TFE3: variants seen among roughly 807,000 people sequenced by gnomAD.
TFE3 encodes the protein transcription factor E3.
Under a neutral mutation model 35.0 loss-of-function variants are expected in TFE3, and 5 were observed. The ratio of observed to expected loss-of-function variants is 0.14; its 90% CI spans 0.07 to 0.30. TFE3 has a LOEUF of 0.30. TFE3 is among the 10% of genes least tolerant of loss of function. TFE3 has a pLI of 1.00. For missense variants in TFE3, 374 were observed against 496.6 expected (o/e 0.75, Z 2.35); for synonymous variants, 211 against 215.6 (o/e 0.98, Z 0.18).
At position 49,028,751 on chromosome X, in the gene TFE3, A is replaced by G. The variant is rs1488771227; in HGVS notation, c.*1407T>C. 1.9e-5 allele frequency: 3 copies of G among 162,090 alleles called. No individual in the cohort carries two copies. The highest frequency in any genetic ancestry group is 9.0e-5 in the African/African-American group (3 of 33,278). 13.4% of individuals were successfully genotyped at this position (162,090 alleles called of 1,213,427 possible). A position where few individuals can be genotyped will look rare whatever the true frequency, so the allele number is the denominator to read the frequency against. On this transcript the variant is annotated 3_prime_UTR_variant, in exon 10 of 10. Coordinates refer to ENST00000315869, the MANE Select transcript of TFE3 (RefSeq NM_006521.6). ...TTTGCCAAAGTTAAAAGCGCATCAA[A>G]CACGCCTAGCTTTTATTATTTTAAT...
At chrX:49,035,878 G>T (rs1429727995) in intron 5 of TFE3, among the ~76,000 whole-genome samples, 2 of 111,042 alleles carry the variant, frequency 1.8e-5, no homozygotes, top group African/African-American at 6.5e-5. Flanking sequence ...ATGCTCTAAA[G>T]CAAGTTATGA....
intron 5 of TFE3, among the ~76,000 whole-genome samples, chrX:49,035,053 G>A (rs1557074426): frequency 9.1e-6 from 1 of 110,088 alleles, no homozygotes; most frequent in Non-Finnish European, 1.9e-5. Flanking sequence ...GCTCACGCCT[G>A]TAATCCCAGC....
chrX:49,042,461 G>A (rs2064765285), intron 1 of TFE3, among the ~76,000 whole-genome samples: 1 of 111,416 alleles, frequency 9.0e-6, no homozygotes, highest in African/African-American at 3.3e-5. Context: ...TGCCCCAGCT[G>A]GGTAGGCGGG....
chrX:49,030,167 C>T lies in TFE3; in HGVS notation c.1719G>A (p.Glu573=). The change falls in exon 10 of 10, where the codon GAG becomes GAA. Residue 573 remains glutamate (E), a synonymous_variant. Coordinates refer to ENST00000315869, the MANE Select transcript of TFE3 (RefSeq NM_006521.6). ...SSRRSSFSME[E]ES ...GAGGGGTGAGGCCTGATCAGGACTC[C>T]TCTTCCATGCTGAAGCTGCTGCGGC... 2.5e-6 allele frequency: 3 copies of T among 1,207,147 alleles called. No homozygotes were observed. Among genetic ancestry groups the T allele is most frequent in the South Asian group, 1.8e-5 (1 of 56,301 alleles).
At chrX:49,037,569 C>T (rs1489050467) in intron 5 of TFE3, among the ~76,000 whole-genome samples, 1 of 109,622 alleles carries the variant, frequency 9.1e-6, no homozygotes, top group African/African-American at 3.3e-5. Flanking sequence ...TATGGTGGCA[C>T]GTGCCTATAA....
chrX:49,038,395 C>T lies in TFE3; in HGVS notation c.582G>A (p.Ala194=), dbSNP rs202095583. The change falls in exon 4 of 10, where the codon GCG becomes GCA. Residue 194 remains alanine, a synonymous_variant. Coordinates refer to ENST00000315869, the MANE Select transcript of TFE3 (RefSeq NM_006521.6). Reference sequence around the variant, plus strand: ...GGTACTGTTTCACCTGCTGCCGGCGCGCCTGCTGCAGGTGGTAGCGCGTTG... The same window carrying T: ...GGTACTGTTTCACCTGCTGCCGGCGTGCCTGCTGCAGGTGGTAGCGCGTTG... ...ENPTRYHLQQ[A]RRQQVKQYLS... 1.3e-5 allele frequency: 16 copies of T among 1,201,768 alleles called. No individual in the cohort carries two copies. The East Asian group carries it at 2.1e-4, about 16-fold the overall frequency.
chrX:49,031,605 A>C, intron 8 of TFE3, 61 bp from the exon 9 acceptor site: 2 of 1,097,735 alleles, frequency 1.8e-6, no homozygotes, highest in South Asian at 2.2e-5. Flanking sequence ...TCAGGAGCTG[A>C]GGCGGGGATT....
At position 49,029,586 on chromosome X, in the gene TFE3, G is replaced by C. The variant is rs906455538; in HGVS notation, c.*572C>G. On this transcript the variant is annotated 3_prime_UTR_variant, in exon 10 of 10. Coordinates refer to ENST00000315869, the MANE Select transcript of TFE3 (RefSeq NM_006521.6). ...TAGAAGGCCAGGAGAGTTCCCAGGGGAAGGGGCTGGGTCTCATCCTCACTT... is the reference window on the plus strand; with the variant it reads ...TAGAAGGCCAGGAGAGTTCCCAGGGCAAGGGGCTGGGTCTCATCCTCACTT... 4 of 342,052 alleles carry C rather than the reference G, an allele frequency of 1.2e-5. No individual in the cohort carries two copies. The highest frequency in any genetic ancestry group is 2.2e-5 in the Non-Finnish European group (4 of 179,750). The allele number at this position is 342,052 out of a possible 1,213,427, so 28.2% of individuals were successfully genotyped here. A position where few individuals can be genotyped will look rare whatever the true frequency, so the allele number is the denominator to read the frequency against.
chrX:49,039,405 G>A lies in TFE3; in HGVS notation c.236C>T (p.Pro79Leu), dbSNP rs371578460. ...GGCTGGTGTGGCCTGCAGTGATATT[G>A]GGAGGCTGTGGAATGGGAAATATGG... is the stretch of plus-strand genomic sequence containing the variant. ...SQPLPLRSSL[P>L]ISLQATPATP... Residue 79 changes from proline (P) to leucine (L), a missense_variant, in exon 3 of 10, where the codon CCA (proline) becomes CTA (leucine). Pro to Leu is a moderately conservative substitution (Grantham distance 98, BLOSUM62 -3). Around this residue, in one of 3 missense-constraint regions of TFE3, gnomAD observed 90 missense variants for 87.5 expected, o/e 1.03. Transcript: ENST00000315869. The A allele has an allele frequency of 2.6e-6, 3 of 1,174,247 alleles. No homozygotes were observed. In the African/African-American group the frequency reaches 5.4e-5, roughly 21 times the overall value.
intron 5 of TFE3, chrX:49,037,724 C>A: frequency 6.6e-5 from 13 of 195,738 alleles, no homozygotes; most frequent in East Asian, 2.1e-4. Context: ...AAAAGATTAT[C>A]ATCTCTTGGT....
intron 5 of TFE3, among the ~76,000 whole-genome samples, chrX:49,034,752 T>C (rs782764078): frequency 8.9e-6 from 1 of 112,105 alleles, no homozygotes; most frequent in South Asian, 3.7e-4. Context: ...TCTGGCCTTC[T>C]GGAGAATTCC....
rs782106588 is a variant in TFE3, at chrX:49,033,546, G to A, written c.1061-6C>T. ...GAATCGCCTGCGACGCTCAACTTTG[G>A]AGAGGGGAGGAGAGGAAGAAAGAGT... On this transcript the variant is annotated splice_region_variant and splice_polypyrimidine_tract_variant and intron_variant, in intron 7 of 9. Transcript: ENST00000315869. 1 of 1,209,392 alleles carries A rather than the reference G, an allele frequency of 8.3e-7. No individual in the cohort carries two copies. The highest frequency in any genetic ancestry group is 3.0e-5 in the East Asian group (1 of 33,841).
At chrX:49,035,764 G>T (rs781862116) in intron 5 of TFE3, among the ~76,000 whole-genome samples, 60 of 110,308 alleles carry the variant, frequency 5.4e-4, no homozygotes, top group African/African-American at 2.0e-3. Flanking sequence ...CCATTCTCTA[G>T]TTGTGTCCAA....
chrX:49,029,529 A>G lies in TFE3; in HGVS notation c.*629T>C. 1 of 302,009 alleles carries G rather than the reference A, an allele frequency of 3.3e-6. No homozygotes were observed. Among genetic ancestry groups the G allele is most frequent in the Non-Finnish European group, 6.2e-6 (1 of 162,099 alleles). 24.9% of individuals were successfully genotyped at this position (302,009 alleles called of 1,213,427 possible). ...AATACCTGTGCTGGGCTGTTCCTAT[A>G]GGGAAGGGGTGGGGCCTGGCTCCTC... On this transcript the variant is annotated 3_prime_UTR_variant, in exon 10 of 10. Transcript: ENST00000315869.
chrX:49,037,172 C>T (rs1302551280), intron 5 of TFE3, among the ~76,000 whole-genome samples: 1 of 111,514 alleles, frequency 9.0e-6, no homozygotes, highest in Non-Finnish European at 1.9e-5. Context: ...AGCGTAGTGG[C>T]GTACACCTGT....
At chrX:49,033,561 G>A (rs1380563423) in intron 7 of TFE3, 21 bp from the exon 8 acceptor site, 2 of 1,205,991 alleles carry the variant, frequency 1.7e-6, no homozygotes, top group South Asian at 1.8e-5. Context: ...GGGAGGAGAG[G>A]AAGAAAGAGT....
In TFE3 at chrX:49,031,672, A is replaced by C. The variant is rs1557073781; in HGVS notation, c.1137-128T>G. The C allele has an allele frequency of 6.6e-6, 5 of 752,142 alleles. No individual in the cohort carries two copies. The South Asian group carries it at 1.3e-4, about 20-fold the overall frequency. 62.0% of individuals were successfully genotyped at this position (752,142 alleles called of 1,213,427 possible). A position where few individuals can be genotyped will look rare whatever the true frequency, so the allele number is the denominator to read the frequency against. ...AGAACTTGAGGCTGGGGTCTTTCAA[A>C]GGTATGGAGTATCCAGAGGAAAACT... On this transcript the variant is annotated intron_variant, in intron 8 of 9. Transcript: ENST00000315869.
rs782357804 is a variant in TFE3, at chrX:49,031,593, T to G, written c.1137-49A>C. 3.6e-6 allele frequency: 4 copies of G among 1,121,431 alleles called. No individual in the cohort carries two copies. The Admixed American group carries it at 1.2e-4, about 33-fold the overall frequency. The allele number at this position is 1,121,431 out of a possible 1,213,427, so 92.4% of individuals were successfully genotyped here. A position where few individuals can be genotyped will look rare whatever the true frequency, so the allele number is the denominator to read the frequency against. On this transcript the variant is annotated intron_variant, in intron 8 of 9. Coordinates refer to ENST00000315869, the MANE Select transcript of TFE3 (RefSeq NM_006521.6). ...AGCAGGAAATGCCACATGAGGAGTTTCTCAGGAGCTGAGGCGGGGATTGCA... is the reference window on the plus strand; with the variant it reads ...AGCAGGAAATGCCACATGAGGAGTTGCTCAGGAGCTGAGGCGGGGATTGCA...
At position 49,029,378 on chromosome X, in the gene TFE3, G is replaced by A. The variant is rs1417874322; in HGVS notation, c.*780C>T. Reference sequence around the variant, plus strand: ...GTTGGTCCCAGGTTAAGGCAGGGGAGCTTAAGTACCACTCCTCCCTGCAGT... The same window carrying A: ...GTTGGTCCCAGGTTAAGGCAGGGGAACTTAAGTACCACTCCTCCCTGCAGT... On this transcript the variant is annotated 3_prime_UTR_variant, in exon 10 of 10. Coordinates refer to ENST00000315869, the MANE Select transcript of TFE3 (RefSeq NM_006521.6). 4 of 197,865 alleles carry A rather than the reference G, an allele frequency of 2.0e-5. No homozygotes were observed. Among genetic ancestry groups the A allele is most frequent in the Non-Finnish European group, 2.9e-5 (3 of 103,076 alleles). The allele number at this position is 197,865 out of a possible 1,213,427, so 16.3% of individuals were successfully genotyped here.
Sources: allele counts gnomAD v4.1 joint callset (sites outside exome capture counted in the v4.1 genomes callset), GRCh38; gene constraint gnomAD v4.1.1; regional missense constraint gnomAD v4.1.1; transcripts MANE v1.5; gene names NCBI Gene and HGNC (gene_info 2026-07-23, HGNC 2026-07-21).